UGT1A10: variants seen among roughly 807,000 people sequenced by gnomAD.
UGT1A10 encodes UDP glucuronosyltransferase family 1 member A10.
In UGT1A10, 49 loss-of-function variants were observed where a neutral mutation model predicts 45.8. That is an observed-to-expected ratio of 1.07 (90% CI 0.85 to 1.36). The LOEUF (loss-of-function observed/expected upper bound fraction) is 1.36. UGT1A10 is among the 40% of genes most tolerant of loss of function. The pLI, the probability that UGT1A10 is intolerant of heterozygous loss-of-function variation, is 0.00. For missense variants in UGT1A10, 745 were observed against 668.6 expected, an observed-to-expected ratio of 1.11 and a Z score of -1.26; for synonymous variants, 284 against 249.7, an observed-to-expected ratio of 1.14 and a Z score of -1.29.
chr2:233,707,077 C>T (rs1486929021), intron 1 of UGT1A10, among the ~76,000 whole-genome samples: 1 of 152,138 alleles, frequency 6.6e-6, no homozygotes. Context: ...TCTGCATGTG[C>T]TCCACTTTGC....
intron 1 of UGT1A10, among the ~76,000 whole-genome samples, chr2:233,745,147 T>C (rs1693024972): frequency 6.6e-6 from 1 of 151,864 alleles, no homozygotes; most frequent in Non-Finnish European, 1.5e-5. Flanking sequence ...CCCAAGTATA[T>C]GGAGGGTCAA....
Position 233,730,281 on chromosome 2 carries a change from C to T in UGT1A10, c.856-36753C>T, listed in dbSNP as rs566860864. On this transcript the variant is annotated intron_variant, in intron 1 of 4. Transcript: ENST00000344644. ...GACTGTTGGTTTGTAAAGGCACCATCTTCATGGTTGTGCATGTCCTTCAGC... is the reference window on the plus strand; with the variant it reads ...GACTGTTGGTTTGTAAAGGCACCATTTTCATGGTTGTGCATGTCCTTCAGC... 2.6e-5 allele frequency among the ~76,000 whole-genome samples: 4 copies of T among 152,274 alleles called. No individual in the cohort carries two copies. In the South Asian group the frequency reaches 8.3e-4, roughly 32 times the overall value.
intron 1 of UGT1A10, chr2:233,682,340 G>C: frequency 6.2e-7 from 1 of 1,614,084 alleles, no homozygotes; most frequent in Non-Finnish European, 8.5e-7. Context: ...AAAATTAGTA[G>C]AATACTTAAA....
chr2:233,719,327 T>C, intron 1 of UGT1A10: 1 of 1,613,988 alleles, frequency 6.2e-7, no homozygotes, highest in Non-Finnish European at 8.5e-7. Flanking sequence ...CGATTCCTGC[T>C]GTGTTTTTTT....
intron 1 of UGT1A10, among the ~76,000 whole-genome samples, chr2:233,673,872 C>A (rs557659899): frequency 3.6e-4 from 55 of 152,230 alleles, no homozygotes; most frequent in South Asian, 2.3e-3. Flanking sequence ...CAAAGAATTC[C>A]CTTCTCTGAT....
intron 1 of UGT1A10, among the ~76,000 whole-genome samples, chr2:233,744,831 G>A (rs1406769887): frequency 6.6e-6 from 1 of 151,816 alleles, no homozygotes; most frequent in African/African-American, 2.4e-5. Flanking sequence ...TTTGAGAATC[G>A]CTAGTCTAGC....
At chr2:233,726,177 A>G (rs2077512621) in intron 1 of UGT1A10, among the ~76,000 whole-genome samples, 2 of 152,148 alleles carry the variant, frequency 1.3e-5, no homozygotes, top group South Asian at 4.2e-4. Context: ...AAAAAATAAA[A>G]ATTTCTTTGG....
intron 1 of UGT1A10, among the ~76,000 whole-genome samples, chr2:233,637,833 T>C (rs1575391981): frequency 6.6e-6 from 1 of 152,222 alleles, no homozygotes; most frequent in East Asian, 1.9e-4. Context: ...TATTCTTCTT[T>C]ATCTTGCATT....
intron 1 of UGT1A10, chr2:233,672,260 T>A (rs775577335): frequency 6.2e-7 from 1 of 1,614,196 alleles, no homozygotes; most frequent in South Asian, 1.1e-5. Context: ...TATTCTCTAT[T>A]AATGGGTTCA....
At chr2:233,647,893 T>A (rs2125472299) in intron 1 of UGT1A10, 1 of 1,539,870 alleles carries the variant, frequency 6.5e-7, no homozygotes, top group South Asian at 1.2e-5. Flanking sequence ...ATTTCTACAC[T>A]GAAGTTAGCC....
At chr2:233,659,325 G>A (rs567549383) in intron 1 of UGT1A10, among the ~76,000 whole-genome samples, 1 of 152,084 alleles carries the variant, frequency 6.6e-6, no homozygotes, top group Non-Finnish European at 1.5e-5. Flanking sequence ...ATAGCCTACT[G>A]TATAGCAGAA....
chr2:233,651,312 GAGAT>G (rs1202467890), intron 1 of UGT1A10, among the ~76,000 whole-genome samples: 6 of 152,184 alleles, frequency 3.9e-5, no homozygotes, highest in African/African-American at 1.4e-4. Flanking sequence ...GAGGGCTTCC[GAGAT>G]ACGGAAAGCT....
At chr2:233,666,983 C>A (rs564284893) in intron 1 of UGT1A10, among the ~76,000 whole-genome samples, 4 of 152,282 alleles carry the variant, frequency 2.6e-5, no homozygotes, top group South Asian at 2.1e-4. Flanking sequence ...ATGAACTCAT[C>A]ATTTTTTATG....
At chr2:233,734,402 G>T (rs2078521396) in intron 1 of UGT1A10, among the ~76,000 whole-genome samples, 1 of 152,028 alleles carries the variant, frequency 6.6e-6, no homozygotes. Flanking sequence ...GCGTCTATTT[G>T]ATTCTTCTCT....
chr2:233,726,873 G>A (rs1410865062), intron 1 of UGT1A10, among the ~76,000 whole-genome samples: 1 of 151,998 alleles, frequency 6.6e-6, no homozygotes, highest in Non-Finnish European at 1.5e-5. Context: ...TATTCTCCAG[G>A]CTTCAGAGCT....
chr2:233,672,666 C>A (rs2074235897), intron 1 of UGT1A10: 1 of 1,613,828 alleles, frequency 6.2e-7, no homozygotes, highest in Admixed American at 1.7e-5. Context: ...AGTATGATCT[C>A]TACAGCCACA....
rs545178357 is a variant in UGT1A10 at position 233,762,901 on chromosome 2, A to C, written c.856-4133A>C. ...TCTTATAAATTCCATGCCAAATATC[A>C]GGGCTATTGAATTTATTAGAATCTC... On this transcript the variant is annotated intron_variant, in intron 1 of 4. Coordinates refer to ENST00000344644, the MANE Select transcript of UGT1A10 (RefSeq NM_019075.4). Among the ~76,000 whole-genome samples the C allele has an allele frequency of 3.3e-5, 5 of 152,312 alleles. No homozygotes were observed. In the South Asian group the frequency reaches 1.0e-3, roughly 32 times the overall value.
chr2:233,768,296 C>T lies in UGT1A10; in HGVS notation c.1152C>T (p.Pro384=), dbSNP rs763217521. 13 of 1,614,024 alleles carry T rather than the reference C, an allele frequency of 8.1e-6. No homozygotes were observed. In the African/African-American group the frequency reaches 1.1e-4, roughly 13 times the overall value. ...GVYESICNGV[P]MVMMPLFGDQ... is the part of the protein sequence containing the mutation. The stretch of plus-strand genomic sequence containing the variant: ...ATGAAAGCATATGCAATGGCGTTCC[C>T]ATGGTGATGATGCCCTTGTTTGGTG... Residue 384 remains proline (P), a synonymous_variant, in exon 4 of 5, where the codon CCC becomes CCT. Coordinates refer to ENST00000344644, the MANE Select transcript of UGT1A10 (RefSeq NM_019075.4).
intron 1 of UGT1A10, chr2:233,671,779 CT>C (rs2074199192): frequency 2.1e-6 from 3 of 1,399,156 alleles, no homozygotes; most frequent in Middle Eastern, 2.1e-4. Context: ...TATTCTTGTT[CT>C]TTTGGGTAAA....
Sources: gnomAD v4.1 joint callset for allele counts (sites outside exome capture counted in the v4.1 genomes callset) on GRCh38, gnomAD v4.1.1 for gene constraint, MANE v1.5 for transcripts, NCBI Gene and HGNC (gene_info 2026-07-23, HGNC 2026-07-21) for gene names.